The following SLC35D4 variants were observed in gnomAD, a reference collection of about 807,000 sequenced individuals.
The protein encoded by SLC35D4 is solute carrier family 35 member D4.
chr18:23,253,756 G>A, the SLC35D4 span: 34 of 1,614,046 alleles, frequency 2.1e-5, no homozygotes, highest in African/African-American at 1.1e-4. Flanking sequence ...GGAAGCTTGC[G>A]CAGGAGGACT....
the SLC35D4 span, among the ~76,000 whole-genome samples, chr18:23,290,355 G>C: frequency 2.0e-5 from 3 of 152,346 alleles, no homozygotes; most frequent in South Asian, 2.1e-4. Context: ...TGCGGGGAAG[G>C]GGGTGGTGTC....
the SLC35D4 span, among the ~76,000 whole-genome samples, chr18:23,263,909 G>A: frequency 1.5e-3 from 231 of 152,298 alleles, no homozygotes; most frequent in Admixed American, 6.6e-3. Flanking sequence ...TGTCAGGTGC[G>A]CTGAAAGGCA....
At chr18:23,258,441 CGGTGGCT>C in the SLC35D4 span, 2 of 152,166 alleles carry the variant, frequency 1.3e-5, no homozygotes, top group African/African-American at 2.4e-5. Flanking sequence ...ACTAAGGAGG[CGGTGGCT>C]CTTTCTTAAC....
chr18:23,265,426 C>T, the SLC35D4 span, among the ~76,000 whole-genome samples: 11 of 152,010 alleles, frequency 7.2e-5, no homozygotes, highest in East Asian at 1.9e-4. Context: ...GAGTAGGAAA[C>T]GGTGTCTCAT....
chr18:23,315,678 A>G, the SLC35D4 span, among the ~76,000 whole-genome samples: 1 of 152,206 alleles, frequency 6.6e-6, no homozygotes, highest in Non-Finnish European at 1.5e-5. Context: ...CCACTGGGAC[A>G]TTCTCTCTAC....
chr18:23,243,873 A>C, the SLC35D4 span, among the ~76,000 whole-genome samples: 2 of 51,486 alleles, frequency 3.9e-5, no homozygotes, highest in Non-Finnish European at 5.6e-5. Context: ...ACTCCGTTTC[A>C]AAAAAAAAAA....
the SLC35D4 span, among the ~76,000 whole-genome samples, chr18:23,250,352 G>C: frequency 1.3e-5 from 2 of 152,164 alleles, no homozygotes; most frequent in Non-Finnish European, 2.9e-5. Flanking sequence ...GGGGGGTGAG[G>C]GGTTGAGAAG....
At chr18:23,351,998 T>C in the SLC35D4 span, among the ~76,000 whole-genome samples, 2 of 152,166 alleles carry the variant, frequency 1.3e-5, no homozygotes, top group Non-Finnish European at 1.5e-5. Flanking sequence ...TCCAGGACTG[T>C]AAGAAAGATG....
the SLC35D4 span, among the ~76,000 whole-genome samples, chr18:23,428,386 T>G: frequency 6.6e-6 from 1 of 152,126 alleles, no homozygotes; most frequent in Non-Finnish European, 1.5e-5. Flanking sequence ...GAATCACAGT[T>G]TGAGTACAAT....
At chr18:23,370,756 GTTTT>G in the SLC35D4 span, among the ~76,000 whole-genome samples, 1 of 152,168 alleles carries the variant, frequency 6.6e-6, no homozygotes, top group African/African-American at 2.4e-5. Context: ...GAAAGAAAAT[GTTTT>G]TGACATGAAC....
At chr18:23,362,228 C>T in the SLC35D4 span, among the ~76,000 whole-genome samples, 1 of 152,344 alleles carries the variant, frequency 6.6e-6, no homozygotes, top group African/African-American at 2.4e-5. Flanking sequence ...AACACATCCC[C>T]CAAACCAAAA....
the SLC35D4 span, among the ~76,000 whole-genome samples, chr18:23,377,311 C>A: frequency 6.6e-6 from 1 of 152,194 alleles, no homozygotes; most frequent in Non-Finnish European, 1.5e-5. Flanking sequence ...ACTAAATAAA[C>A]TACAAACATT....
chr18:23,290,119 C>T, the SLC35D4 span, among the ~76,000 whole-genome samples: 1 of 152,206 alleles, frequency 6.6e-6, no homozygotes, highest in African/African-American at 2.4e-5. Flanking sequence ...GCACAGCAGG[C>T]CCCAACCAGC....
At chr18:23,354,519 CA>C in the SLC35D4 span, among the ~76,000 whole-genome samples, 258 of 104,190 alleles carry the variant, frequency 2.5e-3, 1 homozygote, top group Middle Eastern at 5.9e-3. Context: ...GATTCCGTCT[CA>C]AAAAAAAAAA....
At chr18:23,284,753 C>A in the SLC35D4 span, among the ~76,000 whole-genome samples, 1 of 152,226 alleles carries the variant, frequency 6.6e-6, no homozygotes, top group Non-Finnish European at 1.5e-5. Context: ...TATTTCCCGT[C>A]CCTACACTCA....
At chr18:23,256,192 A>G in the SLC35D4 span, among the ~76,000 whole-genome samples, 1 of 152,256 alleles carries the variant, frequency 6.6e-6, no homozygotes, top group Non-Finnish European at 1.5e-5. Flanking sequence ...AGCTGGGTTG[A>G]CGCCAAGGCA....
At chr18:23,272,713 A>G in the SLC35D4 span, among the ~76,000 whole-genome samples, 1 of 152,166 alleles carries the variant, frequency 6.6e-6, no homozygotes. Context: ...CACGAACCTG[A>G]CTTTGCTATA....
the SLC35D4 span, among the ~76,000 whole-genome samples, chr18:23,421,802 G>C: frequency 2.0e-5 from 3 of 150,740 alleles, no homozygotes; most frequent in South Asian, 6.3e-4. Flanking sequence ...TCTGCCTCCT[G>C]AGTAGCTGGG....
At chr18:23,376,973 A>G in the SLC35D4 span, 1 of 456,132 alleles carries the variant, frequency 2.2e-6, no homozygotes, top group Admixed American at 2.3e-5. Context: ...AGGGTGGGGG[A>G]TTGGATGAAA....
Sources: gnomAD v4.1 joint callset for allele counts (sites outside exome capture counted in the v4.1 genomes callset) on GRCh38, gnomAD v4.1.1 for gene constraint, MANE v1.5 for transcripts, NCBI Gene and HGNC (gene_info 2026-07-23, HGNC 2026-07-21) for gene names.